The following GALNT18 variants were observed in gnomAD, a reference collection of about 807,000 sequenced individuals.
GALNT18 encodes GalNAc-transferase 18.
Under a neutral mutation model 69.5 loss-of-function variants are expected in GALNT18, and 44 were observed. The observed-to-expected ratio is 0.63, with a 90% CI of 0.50 to 0.81. The LOEUF (loss-of-function observed/expected upper bound fraction) is 0.81, where lower values mean the gene tolerates loss of function less well. Among genes scored for constraint, GALNT18 ranks in the 40% least tolerant of loss-of-function variants. GALNT18 has a pLI of 0.00. For missense variants in GALNT18, 715 were observed against 810.0 expected (o/e 0.88, Z 1.42); for synonymous variants, 364 against 318.2 (o/e 1.14, Z -1.53).
At chr11:11,325,755 A>G (rs1217083860) in intron 9 of GALNT18, among the ~76,000 whole-genome samples, 5 of 152,128 alleles carry the variant, frequency 3.3e-5, no homozygotes, top group Admixed American at 3.3e-4. Flanking sequence ...AAAATGCCAC[A>G]CCATTGTTAA....
chr11:11,328,498 T>A (rs997484343), intron 8 of GALNT18, among the ~76,000 whole-genome samples: 2 of 152,166 alleles, frequency 1.3e-5, no homozygotes, highest in African/African-American at 4.8e-5. Context: ...AGGCATGAGA[T>A]GGAGCCGATA....
At chr11:11,607,788 C>G (rs967137620) in intron 1 of GALNT18, among the ~76,000 whole-genome samples, 6 of 152,170 alleles carry the variant, frequency 3.9e-5, no homozygotes, top group South Asian at 2.1e-4. Context: ...AGAAGACACT[C>G]TCCACCAAGG....
chr11:11,481,244 T>C (rs912713915), intron 1 of GALNT18, among the ~76,000 whole-genome samples: 7 of 151,406 alleles, frequency 4.6e-5, no homozygotes, highest in African/African-American at 1.7e-4. Flanking sequence ...CAGTCTGTGC[T>C]ACCCCTTGCC....
rs189367668 is a variant in GALNT18 at position 11,392,588 on chromosome 11, T to C, written c.596-13324A>G. On this transcript the variant is annotated intron_variant, in intron 3 of 10. Transcript: ENST00000227756. ...GAGCAGAGATCGCGCCATCACACTCTAGCCTGGGCGACAAAAGCGAAACTC... is the reference window on the plus strand; with the variant it reads ...GAGCAGAGATCGCGCCATCACACTCCAGCCTGGGCGACAAAAGCGAAACTC... Among the ~76,000 whole-genome samples, 55 of 152,194 alleles carry C rather than the reference T, an allele frequency of 3.6e-4. 1 individual carries two copies. The highest frequency in any genetic ancestry group is 3.3e-3 in the Admixed American group (51 of 15,292).
At chr11:11,468,404 G>C (rs1028925404) in intron 1 of GALNT18, among the ~76,000 whole-genome samples, 1 of 152,182 alleles carries the variant, frequency 6.6e-6, no homozygotes, top group Admixed American at 6.5e-5. Context: ...GTGAGTGCTC[G>C]CCTCCTTCCT....
chr11:11,456,435 A>G (rs1305733560), intron 1 of GALNT18, among the ~76,000 whole-genome samples: 3 of 152,218 alleles, frequency 2.0e-5, no homozygotes, highest in African/African-American at 2.4e-5. Flanking sequence ...TTGTTAAACT[A>G]TTGAAATACC....
intron 3 of GALNT18, among the ~76,000 whole-genome samples, chr11:11,388,967 A>G (rs1854117350): frequency 6.6e-6 from 1 of 152,214 alleles, no homozygotes; most frequent in Non-Finnish European, 1.5e-5. Context: ...TACTCAAGGT[A>G]GGTAGGTAGC....
intron 1 of GALNT18, among the ~76,000 whole-genome samples, chr11:11,531,826 T>C (rs1345930180): frequency 6.6e-6 from 1 of 152,212 alleles, no homozygotes; most frequent in Non-Finnish European, 1.5e-5. Flanking sequence ...GATCTCTTCA[T>C]TGTGATCCTT....
At chr11:11,278,739 T>TAA (rs1420333829) in intron 10 of GALNT18, among the ~76,000 whole-genome samples, 1 of 152,092 alleles carries the variant, frequency 6.6e-6, no homozygotes, top group Non-Finnish European at 1.5e-5. Context: ...CAGGGATGGT[T>TAA]AATAGGTACA....
At chr11:11,277,679 C>T (rs556171939) in intron 10 of GALNT18, among the ~76,000 whole-genome samples, 40 of 152,234 alleles carry the variant, frequency 2.6e-4, no homozygotes, top group African/African-American at 9.1e-4. Context: ...TAAATGTGTC[C>T]CAGAGATTCT....
chr11:11,520,205 T>C (rs554356371), intron 1 of GALNT18, among the ~76,000 whole-genome samples: 5 of 152,364 alleles, frequency 3.3e-5, no homozygotes, highest in African/African-American at 1.2e-4. Flanking sequence ...ATTTCCCCCA[T>C]TTAATCCTCA....
rs1245837054 is a variant in GALNT18, at chr11:11,389,608, G to A, written c.596-10344C>T. Among the ~76,000 whole-genome samples, 1 of 152,226 alleles carries A rather than the reference G, an allele frequency of 6.6e-6. No homozygotes were observed. Among genetic ancestry groups the A allele is most frequent in the Non-Finnish European group, 1.5e-5 (1 of 68,040 alleles). ...CCATGATAGGTGACTGATGTCAGCT[G>A]TGTCCAGGCAGGAGTGGACGCTGCT... On this transcript the variant is annotated intron_variant, in intron 3 of 10. Coordinates refer to ENST00000227756, the MANE Select transcript of GALNT18 (RefSeq NM_198516.3). This position sits in a 1 kb window ranked among gnomAD's most constrained non-coding sequence, Gnocchi z 4.3.
At chr11:11,360,064 T>C (rs1040569785) in intron 6 of GALNT18, among the ~76,000 whole-genome samples, 6 of 152,172 alleles carry the variant, frequency 3.9e-5, no homozygotes, top group African/African-American at 1.4e-4. Flanking sequence ...AACATATATA[T>C]TAAGACCACA....
Position 11,550,336 on chromosome 11 carries a change from C to T in GALNT18, c.235+71023G>A, listed in dbSNP as rs202004140. 2.6e-5 allele frequency among the ~76,000 whole-genome samples: 4 copies of T among 152,308 alleles called. No homozygotes were observed. The East Asian group carries it at 7.7e-4, about 29-fold the overall frequency. ...GCTTCGGACCTCTCAGAAAATGATG[C>T]AAGGGGATCTCAAGGCAGTCCCATT... On this transcript the variant is annotated intron_variant, in intron 1 of 10. Transcript: ENST00000227756.
At chr11:11,295,553 T>A (rs1849384725) in intron 9 of GALNT18, among the ~76,000 whole-genome samples, 1 of 152,140 alleles carries the variant, frequency 6.6e-6, no homozygotes, top group Non-Finnish European at 1.5e-5. Flanking sequence ...TTCAATCTCA[T>A]GCTAGGTCAG....
rs1478698446 is a variant in GALNT18, at chr11:11,543,885, G to A, written c.235+77474C>T. Among the ~76,000 whole-genome samples the A allele has an allele frequency of 6.6e-6, 1 of 152,172 alleles. No individual in the cohort carries two copies. Among genetic ancestry groups the A allele is most frequent in the African/African-American group, 2.4e-5 (1 of 41,448 alleles). On this transcript the variant is annotated intron_variant, in intron 1 of 10. Coordinates refer to ENST00000227756, the MANE Select transcript of GALNT18 (RefSeq NM_198516.3). This position sits in a 1 kb window ranked among gnomAD's most constrained non-coding sequence, Gnocchi z 5.1. ...GTAATATTTGCTCTTCCTCACACAG[G>A]AAAGGCCTTTCCTAAGTGACTTCCT... is the stretch of plus-strand genomic sequence containing the variant.
In GALNT18 at chr11:11,603,487, G is replaced by A. The variant is rs746571730; in HGVS notation, c.235+17872C>T. Reference sequence around the variant, plus strand: ...ACTTTGAAGTCTGCAAGGAAATCCAGTTTTGAAATGATACACAGCACCCAC... The same window carrying A: ...ACTTTGAAGTCTGCAAGGAAATCCAATTTTGAAATGATACACAGCACCCAC... On this transcript the variant is annotated intron_variant, in intron 1 of 10. Coordinates refer to ENST00000227756, the MANE Select transcript of GALNT18 (RefSeq NM_198516.3). This position sits in a 1 kb window ranked among gnomAD's most constrained non-coding sequence, Gnocchi z 4.5. Among the ~76,000 whole-genome samples, 1 of 152,182 alleles carries A rather than the reference G, an allele frequency of 6.6e-6. No homozygotes were observed. The highest frequency in any genetic ancestry group is 1.5e-5 in the Non-Finnish European group (1 of 68,044).
Position 11,621,162 on chromosome 11 carries a change from G to A in GALNT18, c.235+197C>T, listed in dbSNP as rs1860182289. Among the ~76,000 whole-genome samples, 2 of 152,146 alleles carry A rather than the reference G, an allele frequency of 1.3e-5. No individual in the cohort carries two copies. Among genetic ancestry groups the A allele is most frequent in the Admixed American group, 6.5e-5 (1 of 15,284 alleles). On this transcript the variant is annotated intron_variant, in intron 1 of 10. Transcript: ENST00000227756. This position sits in a 1 kb window ranked among gnomAD's most constrained non-coding sequence, Gnocchi z 9.3. ...AGCCCTGCGCACACACGTGTGCCCC[G>A]GGGAAGAGCGCACGGCCGCAGACAG...
At chr11:11,299,043 T>G (rs1290424400) in intron 9 of GALNT18, among the ~76,000 whole-genome samples, 1 of 152,216 alleles carries the variant, frequency 6.6e-6, no homozygotes, top group Non-Finnish European at 1.5e-5. Context: ...CAATAGTTTT[T>G]GGGGAACAAG....
Sources: allele counts gnomAD v4.1 joint callset (sites outside exome capture counted in the v4.1 genomes callset), GRCh38; gene constraint gnomAD v4.1.1; non-coding constraint Gnocchi (gnomAD v3.1); transcripts MANE v1.5; gene names NCBI Gene and HGNC (gene_info 2026-07-23, HGNC 2026-07-21).